The following CASD1 variants were observed in gnomAD, a reference collection of about 807,000 sequenced individuals.
CASD1 encodes the protein N-acetylneuraminate (7)9-O-acetyltransferase.
A neutral mutation model predicts 100.0 loss-of-function variants in CASD1; 41 were observed. The observed-to-expected ratio is 0.41, with a 90% CI of 0.32 to 0.53. The LOEUF is 0.53. Ranked by LOEUF, CASD1 falls within the 20% of genes least tolerant of loss-of-function variation. The pLI is 0.25. For missense variants in CASD1, 774 were observed against 948.7 expected (o/e 0.82, Z 2.42); for synonymous variants, 321 against 315.6 (o/e 1.02, Z -0.18).
In CASD1 at chr7:94,533,769, G is replaced by T; in HGVS notation, c.595G>T (p.Ala199Ser). ...TSIAPLLEKL[A>S]KTSDVYWVLQ... Reference sequence around the variant, plus strand: ...CATAGCACCACTTTTAGAAAAATTGGCAAAGACTAGTGATGTTTATTGGGT... The same window carrying T: ...CATAGCACCACTTTTAGAAAAATTGTCAAAGACTAGTGATGTTTATTGGGT... The change falls in exon 7 of 18, where the codon GCA (alanine) becomes TCA (serine). Residue 199 changes from alanine to serine, a missense_variant. Physicochemically the swap from Ala to Ser is moderately conservative, Grantham distance 99. Transcript: ENST00000297273. 3 of 1,599,922 alleles carry T rather than the reference G, an allele frequency of 1.9e-6. No homozygotes were observed. Among genetic ancestry groups the T allele is most frequent in the Non-Finnish European group, 2.6e-6 (3 of 1,173,142 alleles).
chr7:94,552,886 G>A (rs1331274899), intron 16 of CASD1, among the ~76,000 whole-genome samples: 1 of 152,150 alleles, frequency 6.6e-6, no homozygotes, highest in Non-Finnish European at 1.5e-5. Context: ...GCAGTGACCT[G>A]AGATTGCATC....
chr7:94,550,668 G>A (rs936957092), intron 14 of CASD1, among the ~76,000 whole-genome samples: 2 of 152,008 alleles, frequency 1.3e-5, no homozygotes, highest in Non-Finnish European at 2.9e-5. Context: ...AGGGTCAAGG[G>A]TGCTCTCTGG....
At chr7:94,620,857 G>T in the CASD1 span, 1 of 152,220 alleles carries the variant, frequency 6.6e-6, no homozygotes, top group Admixed American at 6.5e-5. Flanking sequence ...CCATCCAAGA[G>T]CTGCTGCCAG....
rs766937974 is a variant in CASD1, at chr7:94,555,680, G to C, written c.2316G>C (p.Leu772Phe). 14 of 1,613,166 alleles carry C rather than the reference G, an allele frequency of 8.7e-6. No homozygotes were observed. The Admixed American group carries it at 2.0e-4, about 23-fold the overall frequency. Residue 772 changes from leucine (L) to phenylalanine (F), a missense_variant, in exon 18 of 18, where the codon TTG becomes TTC. By Grantham distance (22) the Leu-to-Phe change is conservative (BLOSUM62 0). Around this residue, in one of 5 missense-constraint regions of CASD1, gnomAD observed 175 missense variants for 206.9 expected, o/e 0.85. Coordinates refer to ENST00000297273, the MANE Select transcript of CASD1 (RefSeq NM_022900.5). Reference protein sequence around the residue: ...IIIPKDNSSLLKRLACIAAFF... With the variant: ...IIIPKDNSSLFKRLACIAAFF... Reference sequence around the variant, plus strand: ...TTCCTAAAGATAACTCATCTCTCTTGAAAAGGTTGGCATGTATAGCTGCAT... The same window carrying C: ...TTCCTAAAGATAACTCATCTCTCTTCAAAAGGTTGGCATGTATAGCTGCAT...
chr7:94,520,508 C>A (rs1794206702), intron 3 of CASD1, among the ~76,000 whole-genome samples: 1 of 152,166 alleles, frequency 6.6e-6, no homozygotes, highest in African/African-American at 2.4e-5. Context: ...GATATCGTAT[C>A]TCCCTCTTAG....
chr7:94,538,342 G>A (rs1474463332), intron 9 of CASD1, among the ~76,000 whole-genome samples: 1 of 152,072 alleles, frequency 6.6e-6, no homozygotes, highest in Non-Finnish European at 1.5e-5. Context: ...AGAACTTAAT[G>A]ATGTGGCCAC....
rs145717581 is a variant in CASD1, at chr7:94,545,101, T to C, written c.1477-444T>C. Among the ~76,000 whole-genome samples, 190 of 152,266 alleles carry C rather than the reference T, an allele frequency of 1.2e-3. 1 individual carries two copies. The highest frequency in any genetic ancestry group is 4.3e-3 in the African/African-American group (178 of 41,574). Reference sequence around the variant, plus strand: ...ACTCTTATTAAAGTCCCAAAGACATTTTTAACTTTGAGTTTTGAGTAATAC... The same window carrying C: ...ACTCTTATTAAAGTCCCAAAGACATCTTTAACTTTGAGTTTTGAGTAATAC... On this transcript the variant is annotated intron_variant, in intron 11 of 17. Coordinates refer to ENST00000297273, the MANE Select transcript of CASD1 (RefSeq NM_022900.5).
chr7:94,625,194 T>A, the CASD1 span: 1 of 151,956 alleles, frequency 6.6e-6, no homozygotes, highest in Non-Finnish European at 1.5e-5. Flanking sequence ...AAAAATCTAC[T>A]GAATGAATTA....
chr7:94,536,129 G>T (rs1461215702), intron 8 of CASD1, among the ~76,000 whole-genome samples: 2 of 152,092 alleles, frequency 1.3e-5, no homozygotes, highest in African/African-American at 4.8e-5. Context: ...TGTAATCCCA[G>T]CTACTCGGGA....
chr7:94,529,808 A>G (rs951076300), intron 5 of CASD1, among the ~76,000 whole-genome samples: 3 of 152,160 alleles, frequency 2.0e-5, no homozygotes, highest in Non-Finnish European at 2.9e-5. Flanking sequence ...GACACTTAGG[A>G]TAGGAGGTGG....
At chr7:94,588,757 T>A in the CASD1 span, 1 of 1,613,336 alleles carries the variant, frequency 6.2e-7, no homozygotes, top group Non-Finnish European at 8.5e-7. Context: ...CATTTTTGAG[T>A]AAAACTGTTT....
At chr7:94,513,200 C>G (rs550898290) in intron 1 of CASD1, among the ~76,000 whole-genome samples, 9 of 151,496 alleles carry the variant, frequency 5.9e-5, no homozygotes, top group Non-Finnish European at 1.0e-4. Flanking sequence ...GTGGCGGGCA[C>G]CTGAATCCCA....
At chr7:94,604,861 T>TATAAA in the CASD1 span, among the ~76,000 whole-genome samples, 2 of 69,292 alleles carry the variant, frequency 2.9e-5, no homozygotes, top group Admixed American at 1.6e-4. Context: ...ATATATATAA[T>TATAAA]AGTTGTTATA....
chr7:94,587,211 C>T, the CASD1 span: 1 of 985,492 alleles, frequency 1.0e-6, no homozygotes, highest in Non-Finnish European at 1.2e-6. Flanking sequence ...CTCTGTATTA[C>T]TAAAATGTAG....
At chr7:94,542,959 G>C (rs1364991585) in intron 10 of CASD1, among the ~76,000 whole-genome samples, 1 of 152,142 alleles carries the variant, frequency 6.6e-6, no homozygotes, top group South Asian at 2.1e-4. Flanking sequence ...GTAGATTGTA[G>C]GTGCTATAGG....
downstream of CASD1, among the ~76,000 whole-genome samples, chr7:94,558,170 A>G (rs1487481393): frequency 6.6e-6 from 1 of 152,204 alleles, no homozygotes; most frequent in East Asian, 1.9e-4. Flanking sequence ...TAGAAGCATT[A>G]AAAATTCAGC....
the CASD1 span, chr7:94,587,034 T>C: frequency 4.2e-5 from 41 of 984,342 alleles, no homozygotes; most frequent in Admixed American, 6.2e-5. Context: ...TAGTGTTAAC[T>C]AAAAAGGAGA....
the CASD1 span, among the ~76,000 whole-genome samples, chr7:94,591,057 G>A: frequency 3.1e-3 from 478 of 152,142 alleles, 2 homozygotes; most frequent in Admixed American, 6.3e-3. Flanking sequence ...GATTATATTC[G>A]TTTTTATTGT....
chr7:94,521,650 T>C (rs985275072), intron 3 of CASD1, among the ~76,000 whole-genome samples: 2 of 152,198 alleles, frequency 1.3e-5, no homozygotes, highest in Admixed American at 6.5e-5. Flanking sequence ...AAATATGTAT[T>C]TTATACACAT....
Sources: gnomAD v4.1 joint callset for allele counts (sites outside exome capture counted in the v4.1 genomes callset) on GRCh38, gnomAD v4.1.1 for gene constraint, gnomAD v4.1.1 regional missense constraint, MANE v1.5 for transcripts, NCBI Gene and HGNC (gene_info 2026-07-23, HGNC 2026-07-21) for gene names.